Variants in DPYD observed in about 807,000 individuals in gnomAD.
The protein encoded by DPYD is dihydropyrimidine dehydrogenase [NADP(+)].
Under a neutral mutation model 116.2 loss-of-function variants are expected in DPYD, and 109 were observed. That is an observed-to-expected ratio of 0.94 (90% CI 0.80 to 1.10). The LOEUF (loss-of-function observed/expected upper bound fraction) is 1.10, where lower values mean the gene tolerates loss of function less well. DPYD is among the 50% of genes least tolerant of loss of function. The probability of loss-of-function intolerance (pLI) is 0.00; values close to 1 mark genes in which losing one functional copy is unlikely to be tolerated. For missense variants in DPYD, 1,302 were observed against 1,254.5 expected (o/e 1.04, Z -0.57); for synonymous variants, 440 against 432.0 (o/e 1.02, Z -0.23).
In DPYD at chr1:97,514,349, T is replaced by TAAAAA. The variant is rs1456832617; in HGVS notation, c.1740+1376_1740+1377insTTTTT. ...TCAAATTCAAAGCAGCAAACACCTC[T>TAAAAA]TTTTTTCAGCTATAATTCTTCACCT... On this transcript the variant is annotated intron_variant, in intron 13 of 22. Transcript: ENST00000370192. 4.6e-5 allele frequency: 29 copies of TAAAAA among 626,284 alleles called. 1 individual carries two copies. In the South Asian group the frequency reaches 1.1e-3, roughly 25 times the overall value. The allele number at this position is 626,284 out of a possible 1,614,324, so 38.8% of individuals were successfully genotyped here. A position where few individuals can be genotyped will look rare whatever the true frequency, so the allele number is the denominator to read the frequency against.
At chr1:97,580,945 G>T (rs917745646) in intron 10 of DPYD, among the ~76,000 whole-genome samples, 1 of 151,958 alleles carries the variant, frequency 6.6e-6, no homozygotes, top group Non-Finnish European at 1.5e-5. Context: ...CGCATTTGGG[G>T]GATAAAAAGT....
chr1:97,166,089 G>T (rs1344184391), intron 20 of DPYD, among the ~76,000 whole-genome samples: 1 of 152,030 alleles, frequency 6.6e-6, no homozygotes, highest in African/African-American at 2.4e-5. Context: ...ATACCCAAAA[G>T]AATATAAATT....
intron 3 of DPYD, among the ~76,000 whole-genome samples, chr1:97,746,943 T>TG (rs978464715): frequency 4.9e-5 from 7 of 143,402 alleles, no homozygotes; most frequent in East Asian, 2.0e-4. Flanking sequence ...GTGGTGTGTG[T>TG]TTTTTTTTTG....
At chr1:97,677,721 G>A (rs1247215008) in intron 8 of DPYD, among the ~76,000 whole-genome samples, 1 of 152,086 alleles carries the variant, frequency 6.6e-6, no homozygotes, top group African/African-American at 2.4e-5. Flanking sequence ...AGACATTTAG[G>A]AGCTAGAAGA....
chr1:97,445,388 G>A (rs1290795315), intron 14 of DPYD, among the ~76,000 whole-genome samples: 2 of 152,314 alleles, frequency 1.3e-5, no homozygotes, highest in South Asian at 4.1e-4. Flanking sequence ...TAACATGCAT[G>A]TTTGTTCAGC....
chr1:97,581,745 CAAAAAAAAA>C (rs1226325704), intron 10 of DPYD, among the ~76,000 whole-genome samples: 2 of 63,568 alleles, frequency 3.1e-5, no homozygotes, highest in South Asian at 5.8e-4. Flanking sequence ...GATCCTGTCT[CAAAAAAAAA>C]AAAAAAAAAA....
At position 97,470,421 on chromosome 1, in the gene DPYD, A is replaced by C. The variant is rs142063435; in HGVS notation, c.1741-20198T>G. On this transcript the variant is annotated intron_variant, in intron 13 of 22. Coordinates refer to ENST00000370192, the MANE Select transcript of DPYD (RefSeq NM_000110.4). ...AATAAAGGATGTTTAAAGTGCTTAA[A>C]ATAATGTGTGGCACAATACAAATGA... 1.8e-4 allele frequency among the ~76,000 whole-genome samples: 28 copies of C among 152,058 alleles called. No homozygotes were observed. In the East Asian group the frequency reaches 5.4e-3, roughly 29 times the overall value.
At chr1:97,430,685 G>T (rs1460506433) in intron 14 of DPYD, among the ~76,000 whole-genome samples, 1 of 152,058 alleles carries the variant, frequency 6.6e-6, no homozygotes, top group African/African-American at 2.4e-5. Flanking sequence ...CATGGGGCTT[G>T]GCCCTAGGAA....
chr1:97,092,339 T>C (rs1649951879), intron 21 of DPYD, among the ~76,000 whole-genome samples: 2 of 152,180 alleles, frequency 1.3e-5, no homozygotes, highest in Non-Finnish European at 2.9e-5. Context: ...TGACAACTGT[T>C]GCCAACTAGA....
intron 8 of DPYD, among the ~76,000 whole-genome samples, chr1:97,658,320 G>A (rs920999920): frequency 7.2e-5 from 11 of 152,096 alleles, no homozygotes; most frequent in Non-Finnish European, 1.5e-4. Flanking sequence ...TGCAAATGCT[G>A]ATCAAAATAC....
At chr1:97,886,382 G>A (rs991449317) in intron 1 of DPYD, among the ~76,000 whole-genome samples, 10 of 152,150 alleles carry the variant, frequency 6.6e-5, no homozygotes, top group African/African-American at 2.2e-4. Flanking sequence ...CAGGTCAGGA[G>A]TTCTGTTACT....
chr1:97,812,523 T>C (rs945355605), intron 3 of DPYD, among the ~76,000 whole-genome samples: 1 of 152,070 alleles, frequency 6.6e-6, no homozygotes, highest in Non-Finnish European at 1.5e-5. Context: ...TAAGACTGAG[T>C]ACCCTAACAG....
intron 2 of DPYD, among the ~76,000 whole-genome samples, chr1:97,835,681 T>C (rs985470033): frequency 6.6e-6 from 1 of 152,136 alleles, no homozygotes; most frequent in African/African-American, 2.4e-5. Context: ...TGGTTATATT[T>C]TGATTGAGTC....
At chr1:97,599,394 G>C (rs1178536977) in intron 8 of DPYD, among the ~76,000 whole-genome samples, 2 of 151,512 alleles carry the variant, frequency 1.3e-5, no homozygotes, top group Non-Finnish European at 2.9e-5. Flanking sequence ...TAGATGTTCT[G>C]TTACATATTA....
intron 21 of DPYD, among the ~76,000 whole-genome samples, chr1:97,083,440 A>C (rs1384903930): frequency 6.6e-6 from 1 of 150,872 alleles, no homozygotes; most frequent in Admixed American, 6.6e-5. Context: ...TTTCTATTTG[A>C]TCTCTAAATT....
chr1:97,822,807 T>C (rs547917212), intron 3 of DPYD, among the ~76,000 whole-genome samples: 1 of 152,308 alleles, frequency 6.6e-6, no homozygotes, highest in South Asian at 2.1e-4. Context: ...AAGCAAGAGA[T>C]TGGTGTATTT....
intron 8 of DPYD, among the ~76,000 whole-genome samples, chr1:97,673,097 CTTG>C (rs1314693554): frequency 2.0e-5 from 3 of 151,972 alleles, no homozygotes; most frequent in Admixed American, 2.0e-4. Context: ...GATATTTGCA[CTTG>C]TTATTTTTTT....
chr1:97,385,326 A>C (rs1375221639), intron 14 of DPYD, among the ~76,000 whole-genome samples: 1 of 136,520 alleles, frequency 7.3e-6, no homozygotes, highest in East Asian at 2.5e-4. Flanking sequence ...AAAGAGAGAG[A>C]GAGATTAAGG....
chr1:97,157,646 G>A (rs896038759), intron 20 of DPYD, among the ~76,000 whole-genome samples: 7 of 152,070 alleles, frequency 4.6e-5, no homozygotes, highest in Non-Finnish European at 1.0e-4. Flanking sequence ...AAAAAAGGAG[G>A]CTTGAAATTT....
Sources: gnomAD v4.1 joint callset for allele counts (sites outside exome capture counted in the v4.1 genomes callset) on GRCh38, gnomAD v4.1.1 for gene constraint, MANE v1.5 for transcripts, NCBI Gene and HGNC (gene_info 2026-07-23, HGNC 2026-07-21) for gene names.